CLNK: variants seen among roughly 807,000 people sequenced by gnomAD.
CLNK encodes cytokine-dependent hematopoietic cell linker.
CLNK carries 74 observed loss-of-function variants against 68.6 expected under a neutral mutation model. The ratio of observed to expected loss-of-function variants is 1.08; its 90% confidence interval spans 0.89 to 1.31. The LOEUF (loss-of-function observed/expected upper bound fraction) is 1.31. Ranked by LOEUF, CLNK falls within the 50% of genes most tolerant of loss-of-function variation. CLNK has a pLI of 0.00. For missense variants in CLNK, 553 were observed against 515.3 expected, an observed-to-expected ratio of 1.07 and a Z score of -0.71; for synonymous variants, 198 against 172.2, an observed-to-expected ratio of 1.15 and a Z score of -1.17.
At chr4:10,722,878 C>G in the CLNK span, among the ~76,000 whole-genome samples, 2 of 152,074 alleles carry the variant, frequency 1.3e-5, no homozygotes, top group South Asian at 4.1e-4. Flanking sequence ...GGCAAAACAC[C>G]GTCTCTACTA....
In CLNK at chr4:10,674,598, G is replaced by A. The variant is rs535425630; in HGVS notation, c.-42-6687C>T. Among the ~76,000 whole-genome samples the A allele has an allele frequency of 5.9e-5, 9 of 152,162 alleles. No individual in the cohort carries two copies. In the South Asian group the frequency reaches 1.0e-3, roughly 18 times the overall value. On this transcript the variant is annotated intron_variant, in intron 1 of 18. Transcript: ENST00000226951. ...GAAATAGTGTGTGTTGTCTCCCTAC[G>A]GGGCTCACTGTACTCTCCTCCAGGT... is the stretch of plus-strand genomic sequence containing the variant.
chr4:10,542,590 C>G (rs1719075833), intron 8 of CLNK, among the ~76,000 whole-genome samples: 1 of 151,574 alleles, frequency 6.6e-6, no homozygotes, highest in Admixed American at 6.6e-5. Context: ...ACTCTTAAGA[C>G]CCCTTTGAAA....
rs115758458 is a variant in CLNK, at chr4:10,506,140, A to G, written c.984+1819T>C. ...TGCACATAGTCATCATTCGATAATCATTTGCTCTTTGGGATGTTGGTTGTG... is the reference window on the plus strand; with the variant it reads ...TGCACATAGTCATCATTCGATAATCGTTTGCTCTTTGGGATGTTGGTTGTG... On this transcript the variant is annotated intron_variant, in intron 17 of 18. Transcript: ENST00000226951. 6.1e-3 allele frequency among the ~76,000 whole-genome samples: 934 copies of G among 152,122 alleles called. 4 individuals are homozygous for G. The highest frequency in any genetic ancestry group is 0.01 in the Middle Eastern group (3 of 294).
chr4:10,529,478 A>C (rs1241152973), intron 12 of CLNK, among the ~76,000 whole-genome samples: 1 of 152,208 alleles, frequency 6.6e-6, no homozygotes, highest in Non-Finnish European at 1.5e-5. Context: ...AATTGCTTAG[A>C]GAGGCATTGT....
At chr4:10,497,144 C>T (rs911433709) in intron 18 of CLNK, among the ~76,000 whole-genome samples, 5 of 152,114 alleles carry the variant, frequency 3.3e-5, no homozygotes, top group African/African-American at 1.2e-4. Flanking sequence ...ATTTCTGTGC[C>T]TCAGTTTCAC....
rs1719875749 is a variant in CLNK, at chr4:10,561,178, G to A, written c.400-2726C>T. On this transcript the variant is annotated intron_variant, in intron 7 of 18. Coordinates refer to ENST00000226951, the MANE Select transcript of CLNK (RefSeq NM_052964.4). ...GGCCTCCCAAAATGTTGGGATTACA[G>A]GCATGAACTACTGCACCTGGCTAAA... Among the ~76,000 whole-genome samples, 5 of 152,256 alleles carry A rather than the reference G, an allele frequency of 3.3e-5. No individual in the cohort carries two copies. The South Asian group carries it at 1.0e-3, about 32-fold the overall frequency.
intron 1 of CLNK, among the ~76,000 whole-genome samples, chr4:10,675,456 A>G (rs138374232): frequency 5.9e-5 from 9 of 152,328 alleles, no homozygotes; most frequent in African/African-American, 2.2e-4. Context: ...ATGTAATGCA[A>G]CAATCGCATT....
At chr4:10,552,200 T>C (rs1050340150) in intron 8 of CLNK, among the ~76,000 whole-genome samples, 3 of 152,026 alleles carry the variant, frequency 2.0e-5, no homozygotes, top group Non-Finnish European at 4.4e-5. Flanking sequence ...TCACTCCCCA[T>C]CTTATCTTTT....
At chr4:10,558,823 A>T (rs914879284) in intron 7 of CLNK, among the ~76,000 whole-genome samples, 9 of 152,196 alleles carry the variant, frequency 5.9e-5, no homozygotes, top group African/African-American at 2.2e-4. Flanking sequence ...GGGATCAGGT[A>T]CATGAAAGCA....
chr4:10,647,405 T>C (rs1723553419), intron 2 of CLNK, among the ~76,000 whole-genome samples: 1 of 152,156 alleles, frequency 6.6e-6, no homozygotes, highest in Non-Finnish European at 1.5e-5. Context: ...GACTGGGAAA[T>C]AGTTATACAT....
intron 3 of CLNK, among the ~76,000 whole-genome samples, chr4:10,594,810 C>A (rs1376732201): frequency 6.6e-6 from 1 of 152,090 alleles, no homozygotes; most frequent in Non-Finnish European, 1.5e-5. Flanking sequence ...ACTTAGAACC[C>A]AGAGCTAGGC....
intron 2 of CLNK, among the ~76,000 whole-genome samples, chr4:10,651,999 A>AG (rs1723761589): frequency 6.6e-6 from 1 of 152,106 alleles, no homozygotes. Context: ...AGAAACAAAA[A>AG]GGGGGGTCAA....
chr4:10,661,761 G>A (rs762907135), intron 2 of CLNK, among the ~76,000 whole-genome samples: 2 of 152,116 alleles, frequency 1.3e-5, no homozygotes, highest in African/African-American at 2.4e-5. Context: ...TGACTTGAAG[G>A]TGACTTTGTT....
intron 11 of CLNK, among the ~76,000 whole-genome samples, chr4:10,537,851 G>C (rs1379890347): frequency 6.8e-6 from 1 of 148,116 alleles, no homozygotes; most frequent in Non-Finnish European, 1.5e-5. Flanking sequence ...TATTATCCTA[G>C]GCACTTTACA....
intron 2 of CLNK, among the ~76,000 whole-genome samples, chr4:10,604,015 T>G (rs1204906731): frequency 6.6e-6 from 1 of 152,164 alleles, no homozygotes; most frequent in East Asian, 1.9e-4. Flanking sequence ...TGAGGGCAGG[T>G]GTCCCCGGGG....
At chr4:10,714,069 T>G in the CLNK span, among the ~76,000 whole-genome samples, 1 of 152,130 alleles carries the variant, frequency 6.6e-6, no homozygotes, top group African/African-American at 2.4e-5. Context: ...AGGCAGATAT[T>G]GTTGGGGAAG....
chr4:10,621,037 G>C (rs1047729033), intron 2 of CLNK, among the ~76,000 whole-genome samples: 2 of 152,120 alleles, frequency 1.3e-5, no homozygotes, highest in African/African-American at 4.8e-5. Flanking sequence ...GTGAACCCGG[G>C]AGACAGAGCT....
chr4:10,602,908 T>C (rs932599764), intron 2 of CLNK, among the ~76,000 whole-genome samples: 9 of 152,172 alleles, frequency 5.9e-5, no homozygotes, highest in Admixed American at 1.3e-4. Flanking sequence ...CAGTGAGGGG[T>C]TGAATTTGCC....
chr4:10,663,769 A>G (rs1456363716), intron 2 of CLNK, among the ~76,000 whole-genome samples: 2 of 152,206 alleles, frequency 1.3e-5, no homozygotes, highest in African/African-American at 4.8e-5. Flanking sequence ...CATATGTTGA[A>G]AGCTAATCAC....
Sources: gnomAD v4.1 joint callset for allele counts (sites outside exome capture counted in the v4.1 genomes callset) on GRCh38, gnomAD v4.1.1 for gene constraint, MANE v1.5 for transcripts, NCBI Gene and HGNC (gene_info 2026-07-23, HGNC 2026-07-21) for gene names.